HEMK2: variants seen among roughly 807,000 people sequenced by gnomAD.
The protein encoded by HEMK2 is methyltransferase HEMK2.
At chr21:28,878,125 C>G in the HEMK2 span, 17 of 1,355,970 alleles carry the variant, frequency 1.3e-5, no homozygotes, top group African/African-American at 2.6e-4. Flanking sequence ...TAAATTAAAG[C>G]ATTTTACATT....
the HEMK2 span, among the ~76,000 whole-genome samples, chr21:28,631,168 G>A: frequency 6.6e-6 from 1 of 152,014 alleles, no homozygotes; most frequent in African/African-American, 2.4e-5. Context: ...GTTTATAAAT[G>A]GACAGTTTCA....
chr21:28,602,010 T>C, the HEMK2 span, among the ~76,000 whole-genome samples: 10 of 152,350 alleles, frequency 6.6e-5, no homozygotes, highest in South Asian at 2.1e-4. Context: ...ATTTAATTCA[T>C]TGTACATTGT....
chr21:28,745,047 C>T, the HEMK2 span, among the ~76,000 whole-genome samples: 1 of 152,176 alleles, frequency 6.6e-6, no homozygotes, highest in Admixed American at 6.5e-5. Context: ...CCGAAGTATA[C>T]ATACAGTAGC....
At chr21:28,844,196 G>A in the HEMK2 span, among the ~76,000 whole-genome samples, 9 of 152,032 alleles carry the variant, frequency 5.9e-5, no homozygotes, top group East Asian at 1.7e-3. Context: ...TTCTCATTAG[G>A]AATTTTATTA....
the HEMK2 span, among the ~76,000 whole-genome samples, chr21:28,660,938 A>G: frequency 2.0e-5 from 3 of 152,024 alleles, no homozygotes. Context: ...CCACTTACAT[A>G]CTCTACTTTT....
the HEMK2 span, among the ~76,000 whole-genome samples, chr21:28,852,198 G>C: frequency 6.6e-6 from 1 of 152,260 alleles, no homozygotes; most frequent in African/African-American, 2.4e-5. Context: ...TATTTTTCTA[G>C]GTAGAGGCAG....
At chr21:28,794,926 G>A in the HEMK2 span, among the ~76,000 whole-genome samples, 119 of 152,268 alleles carry the variant, frequency 7.8e-4, no homozygotes, top group Admixed American at 1.3e-3. Context: ...AAGAGTTGAC[G>A]ATGGGTGCCA....
chr21:28,734,507 A>G, the HEMK2 span, among the ~76,000 whole-genome samples: 1 of 152,210 alleles, frequency 6.6e-6, no homozygotes, highest in East Asian at 1.9e-4. Context: ...TCATAGAAAG[A>G]AGTTTATATA....
chr21:28,582,263 C>T, the HEMK2 span, among the ~76,000 whole-genome samples: 17 of 152,224 alleles, frequency 1.1e-4, no homozygotes, highest in African/African-American at 3.4e-4. Context: ...CAGGACCAGA[C>T]GGTAGTCCAG....
the HEMK2 span, among the ~76,000 whole-genome samples, chr21:28,598,794 G>C: frequency 6.6e-6 from 1 of 152,140 alleles, no homozygotes; most frequent in African/African-American, 2.4e-5. Context: ...TTTCTCAATC[G>C]CAGGACAGTA....
chr21:28,642,546 T>C, the HEMK2 span, among the ~76,000 whole-genome samples: 1 of 152,090 alleles, frequency 6.6e-6, no homozygotes, highest in Non-Finnish European at 1.5e-5. Context: ...CAGTGGAGGG[T>C]TGGGGTGGCA....
chr21:28,744,540 T>G, the HEMK2 span, among the ~76,000 whole-genome samples: 1 of 152,200 alleles, frequency 6.6e-6, no homozygotes, highest in Non-Finnish European at 1.5e-5. Context: ...CTCTATGATA[T>G]CTCACTGTTT....
the HEMK2 span, among the ~76,000 whole-genome samples, chr21:28,725,222 G>T: frequency 6.6e-6 from 1 of 152,154 alleles, no homozygotes; most frequent in African/African-American, 2.4e-5. Context: ...ATAAATGCAT[G>T]CTAAATTGTA....
the HEMK2 span, among the ~76,000 whole-genome samples, chr21:28,611,032 C>T: frequency 6.6e-6 from 1 of 152,110 alleles, no homozygotes; most frequent in Non-Finnish European, 1.5e-5. Flanking sequence ...TTAAACTATA[C>T]CCTACAACAA....
At chr21:28,704,650 A>T in the HEMK2 span, among the ~76,000 whole-genome samples, 1 of 151,780 alleles carries the variant, frequency 6.6e-6, no homozygotes, top group Admixed American at 6.6e-5. Flanking sequence ...ACAACCGTTT[A>T]AAAAAAATTC....
the HEMK2 span, among the ~76,000 whole-genome samples, chr21:28,692,484 G>A: frequency 6.6e-6 from 1 of 151,862 alleles, no homozygotes; most frequent in East Asian, 1.9e-4. Flanking sequence ...ATAGAATATG[G>A]AACAATATTC....
chr21:28,796,264 G>A, the HEMK2 span, among the ~76,000 whole-genome samples: 1 of 151,644 alleles, frequency 6.6e-6, no homozygotes, highest in South Asian at 2.1e-4. Context: ...TCAGCCTCCC[G>A]AGTAGCTGGG....
the HEMK2 span, among the ~76,000 whole-genome samples, chr21:28,761,630 T>C: frequency 6.6e-6 from 1 of 150,944 alleles, no homozygotes; most frequent in South Asian, 2.1e-4. Context: ...GTATTAAATA[T>C]ATGGGAAGCC....
chr21:28,842,849 G>C, the HEMK2 span, among the ~76,000 whole-genome samples: 3 of 152,116 alleles, frequency 2.0e-5, no homozygotes, highest in South Asian at 4.1e-4. Context: ...GTAGATATTA[G>C]TTAGGAGGGT....
Sources: allele counts gnomAD v4.1 joint callset (sites outside exome capture counted in the v4.1 genomes callset), GRCh38; gene constraint gnomAD v4.1.1; transcripts MANE v1.5; gene names NCBI Gene and HGNC (gene_info 2026-07-23, HGNC 2026-07-21).